The following SCHIP1 variants were observed in gnomAD, a reference collection of about 807,000 sequenced individuals.
SCHIP1 encodes the protein schwannomin interacting protein 1.
Under a neutral mutation model 29.7 loss-of-function variants are expected in SCHIP1, and 8 were observed. That is an observed-to-expected ratio of 0.27 (90% CI 0.16 to 0.49). The LOEUF (loss-of-function observed/expected upper bound fraction) is 0.49. SCHIP1 is among the 20% of genes least tolerant of loss of function. The pLI is 0.99. For synonymous variants in SCHIP1, 76 were observed against 94.9 expected, an observed-to-expected ratio of 0.80 and a Z score of 1.16; for missense variants, 193 against 294.6, an observed-to-expected ratio of 0.66 and a Z score of 2.52.
At chr3:159,715,172 A>C in the SCHIP1 span, among the ~76,000 whole-genome samples, 1 of 152,258 alleles carries the variant, frequency 6.6e-6, no homozygotes, top group East Asian at 1.9e-4. Context: ...ACAGACCTGC[A>C]GCTGAAGGTT....
the SCHIP1 span, among the ~76,000 whole-genome samples, chr3:159,712,333 G>T: frequency 2.0e-5 from 3 of 152,142 alleles, no homozygotes; most frequent in Non-Finnish European, 4.4e-5. Flanking sequence ...GTATTTTTAC[G>T]CAAAGATCAT....
At chr3:159,839,808 A>G (rs1577406307), upstream of SCHIP1, 3 of 1,028,794 alleles carry the variant, frequency 2.9e-6, no homozygotes, top group East Asian at 6.4e-5. Context: ...TTTCCACATC[A>G]GTTAACTGCC....
chr3:159,429,415 A>G, the SCHIP1 span, among the ~76,000 whole-genome samples: 1 of 151,996 alleles, frequency 6.6e-6, no homozygotes, highest in South Asian at 2.1e-4. Context: ...AGCCACAGAG[A>G]ACTTTACTTT....
At chr3:159,751,450 A>T in the SCHIP1 span, among the ~76,000 whole-genome samples, 1 of 152,354 alleles carries the variant, frequency 6.6e-6, no homozygotes, top group South Asian at 2.1e-4. Flanking sequence ...AAAACTTCAG[A>T]TTAGTGGATG....
At chr3:159,421,159 G>A in the SCHIP1 span, among the ~76,000 whole-genome samples, 1 of 151,932 alleles carries the variant, frequency 6.6e-6, no homozygotes, top group African/African-American at 2.4e-5. Context: ...CTGTGTTGTT[G>A]GTTTTGTTAC....
At chr3:159,402,971 G>T in the SCHIP1 span, among the ~76,000 whole-genome samples, 1 of 151,846 alleles carries the variant, frequency 6.6e-6, no homozygotes, top group South Asian at 2.1e-4. Context: ...TATCTCCCCC[G>T]TAAGTTCTAA....
At chr3:159,710,009 T>C in the SCHIP1 span, among the ~76,000 whole-genome samples, 1 of 152,216 alleles carries the variant, frequency 6.6e-6, no homozygotes, top group Non-Finnish European at 1.5e-5. Flanking sequence ...AGTAGTACAG[T>C]CATTTTGGAA....
chr3:159,891,604 A>G (rs1464269401), intron 5 of SCHIP1, among the ~76,000 whole-genome samples: 3 of 152,164 alleles, frequency 2.0e-5, no homozygotes, highest in Non-Finnish European at 4.4e-5. Context: ...TCCTAAAACA[A>G]TCTGCACATA....
chr3:159,630,306 T>G, the SCHIP1 span, among the ~76,000 whole-genome samples: 1 of 152,186 alleles, frequency 6.6e-6, no homozygotes, highest in Non-Finnish European at 1.5e-5. Flanking sequence ...CTACAGAATT[T>G]TTTTTAAAAC....
At chr3:159,321,175 G>A in the SCHIP1 span, among the ~76,000 whole-genome samples, 2 of 152,100 alleles carry the variant, frequency 1.3e-5, no homozygotes, top group South Asian at 2.1e-4. Flanking sequence ...ACGTCGGCCC[G>A]GCTGGTCTCA....
the SCHIP1 span, among the ~76,000 whole-genome samples, chr3:159,571,299 G>A: frequency 3.0e-4 from 46 of 152,124 alleles, no homozygotes; most frequent in Non-Finnish European, 5.0e-4. Context: ...TTTGAGATAC[G>A]TCCCATCAAT....
the SCHIP1 span, among the ~76,000 whole-genome samples, chr3:159,341,194 A>G: frequency 3.3e-5 from 5 of 150,682 alleles, no homozygotes; most frequent in Admixed American, 6.6e-5. Flanking sequence ...TTTAAGCCTA[A>G]TGGTCCCTTT....
the SCHIP1 span, among the ~76,000 whole-genome samples, chr3:159,602,708 CAA>C: frequency 1.5e-5 from 2 of 137,292 alleles, no homozygotes; most frequent in Non-Finnish European, 1.6e-5. Context: ...GAATCCATCT[CAA>C]AAAAAAAAAA....
At chr3:159,825,344 C>A in the SCHIP1 span, among the ~76,000 whole-genome samples, 1 of 152,192 alleles carries the variant, frequency 6.6e-6, no homozygotes, top group African/African-American at 2.4e-5. Flanking sequence ...GTCCCTGAGG[C>A]ACATCTGCAG....
chr3:159,432,286 ATGTGTGTGTGTGTGTGTGTGTGTGTGTG>A, the SCHIP1 span, among the ~76,000 whole-genome samples: 28 of 108,158 alleles, frequency 2.6e-4, no homozygotes, highest in Non-Finnish European at 3.7e-4. Flanking sequence ...AGAGTAGGTG[ATGTGTGTGTGTGTGTGTGTGTGTGTGTG>A]TGTGTGTGTG....
At chr3:159,597,557 C>G in the SCHIP1 span, among the ~76,000 whole-genome samples, 1 of 152,116 alleles carries the variant, frequency 6.6e-6, no homozygotes, top group Non-Finnish European at 1.5e-5. Flanking sequence ...GCTTATTTCA[C>G]TTAAGATAAT....
chr3:159,806,485 CTTAA>C, the SCHIP1 span, among the ~76,000 whole-genome samples: 1 of 152,172 alleles, frequency 6.6e-6, no homozygotes, highest in African/African-American at 2.4e-5. Context: ...TTGTTTTGCT[CTTAA>C]TTGACTTGTA....
At chr3:159,696,626 T>G in the SCHIP1 span, among the ~76,000 whole-genome samples, 1 of 152,228 alleles carries the variant, frequency 6.6e-6, no homozygotes, top group Non-Finnish European at 1.5e-5. Flanking sequence ...ACAAGTTTTC[T>G]ACTCTCTGGT....
chr3:159,381,980 G>A, the SCHIP1 span, among the ~76,000 whole-genome samples: 2 of 152,104 alleles, frequency 1.3e-5, no homozygotes, highest in Non-Finnish European at 2.9e-5. Flanking sequence ...GGGAAAAAGA[G>A]AGCTGGAGAG....
Sources: allele counts gnomAD v4.1 joint callset (sites outside exome capture counted in the v4.1 genomes callset), GRCh38; gene constraint gnomAD v4.1.1; transcripts MANE v1.5; gene names NCBI Gene and HGNC (gene_info 2026-07-23, HGNC 2026-07-21).